RAB38: variants seen among roughly 807,000 people sequenced by gnomAD.
The protein encoded by RAB38 is RAB38, member RAS oncogene family.
Under a neutral mutation model 18.4 loss-of-function variants are expected in RAB38, and 15 were observed. The ratio of observed to expected loss-of-function variants is 0.82; its 90% CI spans 0.55 to 1.26. The LOEUF is 1.26. RAB38 is among the 50% of genes most tolerant of loss of function. The pLI, the probability that RAB38 is intolerant of heterozygous loss-of-function variation, is 0.00. For synonymous variants in RAB38, 101 were observed against 104.4 expected, an observed-to-expected ratio of 0.97 and a Z score of 0.20; for missense variants, 294 against 267.4, an observed-to-expected ratio of 1.10 and a Z score of -0.69.
chr11:88,103,408 C>T, the RAB38 span, among the ~76,000 whole-genome samples: 9 of 152,008 alleles, frequency 5.9e-5, no homozygotes. Context: ...ACATATACAC[C>T]TTATCGGATT....
Position 88,113,791 on chromosome 11 carries a change from G to T in RAB38, c.*197C>A. Reference sequence around the variant, plus strand: ...ACAGACTAAATATTTTCAAAAGTTTGTAAACACTGTGATGATGGTGAGGAA... The same window carrying T: ...ACAGACTAAATATTTTCAAAAGTTTTTAAACACTGTGATGATGGTGAGGAA... On this transcript the variant is annotated 3_prime_UTR_variant, in exon 3 of 3. Transcript: ENST00000243662. 1 of 663,010 alleles carries T rather than the reference G, an allele frequency of 1.5e-6. No homozygotes were observed. The highest frequency in any genetic ancestry group is 2.5e-6 in the Non-Finnish European group (1 of 407,716). The allele number at this position is 663,010 out of a possible 1,614,324, so 41.1% of individuals were successfully genotyped here. A position where few individuals can be genotyped will look rare whatever the true frequency, so the allele number is the denominator to read the frequency against.
At chr11:87,972,899 C>A in the RAB38 span, among the ~76,000 whole-genome samples, 1 of 152,028 alleles carries the variant, frequency 6.6e-6, no homozygotes, top group South Asian at 2.1e-4. Context: ...GGGCAGGTTT[C>A]CCCCTTGCTG....
the RAB38 span, among the ~76,000 whole-genome samples, chr11:88,032,000 C>A: frequency 2.8e-4 from 42 of 150,608 alleles, no homozygotes; most frequent in Admixed American, 2.8e-3. Flanking sequence ...CTACAGTAAC[C>A]AAAACAGCAT....
chr11:87,874,396 C>A, the RAB38 span, among the ~76,000 whole-genome samples: 1 of 150,910 alleles, frequency 6.6e-6, no homozygotes, highest in African/African-American at 2.4e-5. Flanking sequence ...ATCAAGAAAA[C>A]AAATAACTCA....
the RAB38 span, among the ~76,000 whole-genome samples, chr11:87,939,914 G>C: frequency 6.6e-6 from 1 of 151,540 alleles, no homozygotes; most frequent in Non-Finnish European, 1.5e-5. Context: ...AAAAATCAAA[G>C]TTGTCAAATC....
At chr11:88,092,376 GAGAGAGAGAGAGAGA>G in the RAB38 span, among the ~76,000 whole-genome samples, 2 of 24,982 alleles carry the variant, frequency 8.0e-5, no homozygotes, top group African/African-American at 2.6e-4. Context: ...GAGAGAGAGA[GAGAGAGAGAGAGAGA>G]GAGAGAGAGA....
chr11:88,145,539 G>A (rs1324127101), intron 2 of RAB38, among the ~76,000 whole-genome samples: 1 of 152,128 alleles, frequency 6.6e-6, no homozygotes, highest in Non-Finnish European at 1.5e-5. Context: ...GGAGATTCAG[G>A]CAATGGGCAC....
downstream of RAB38, among the ~76,000 whole-genome samples, chr11:88,109,130 A>C (rs532107606): frequency 6.6e-6 from 1 of 152,132 alleles, no homozygotes; most frequent in Non-Finnish European, 1.5e-5. Flanking sequence ...GTTGCTCCTC[A>C]AACTATACTA....
At chr11:87,895,821 A>G in the RAB38 span, among the ~76,000 whole-genome samples, 2 of 151,696 alleles carry the variant, frequency 1.3e-5, no homozygotes, top group Admixed American at 6.6e-5. Context: ...TGTAGCTGAG[A>G]AGATAGACAT....
At chr11:88,122,687 T>C (rs1247661989) in intron 2 of RAB38, among the ~76,000 whole-genome samples, 1 of 152,226 alleles carries the variant, frequency 6.6e-6, no homozygotes, top group African/African-American at 2.4e-5. Context: ...TAGGATAAAC[T>C]ACTTTGCCAC....
chr11:88,101,993 A>G, the RAB38 span, among the ~76,000 whole-genome samples: 1 of 151,970 alleles, frequency 6.6e-6, no homozygotes, highest in African/African-American at 2.4e-5. Context: ...GAAAGTAGAA[A>G]AACGATGACA....
the RAB38 span, among the ~76,000 whole-genome samples, chr11:87,867,174 C>A: frequency 6.6e-6 from 1 of 151,702 alleles, no homozygotes; most frequent in Admixed American, 6.6e-5. Context: ...TGGCAGCAGA[C>A]CAGAAGATAT....
chr11:87,940,758 G>A, the RAB38 span, among the ~76,000 whole-genome samples: 29 of 151,868 alleles, frequency 1.9e-4, no homozygotes, highest in Non-Finnish European at 2.5e-4. Flanking sequence ...ATTATCCTGC[G>A]AGTAGCTGGG....
chr11:87,866,294 A>C, the RAB38 span, among the ~76,000 whole-genome samples: 5 of 151,812 alleles, frequency 3.3e-5, no homozygotes, highest in African/African-American at 1.2e-4. Context: ...CTGGGCCTCT[A>C]TATGTACATT....
the RAB38 span, among the ~76,000 whole-genome samples, chr11:87,929,419 C>T: frequency 6.6e-6 from 1 of 151,798 alleles, no homozygotes; most frequent in Non-Finnish European, 1.5e-5. Flanking sequence ...AGGTTTCACC[C>T]TATTTCCTGG....
chr11:87,934,633 C>T, the RAB38 span, among the ~76,000 whole-genome samples: 1 of 152,080 alleles, frequency 6.6e-6, no homozygotes, highest in Non-Finnish European at 1.5e-5. Context: ...GGAAGTGAAG[C>T]TTTCAGTCTG....
chr11:88,105,155 T>C, the RAB38 span, among the ~76,000 whole-genome samples: 1 of 152,170 alleles, frequency 6.6e-6, no homozygotes, highest in Non-Finnish European at 1.5e-5. Flanking sequence ...TATAAATTAA[T>C]ATACACCTTC....
chr11:88,168,017 G>C (rs559363865), intron 1 of RAB38, among the ~76,000 whole-genome samples: 14 of 152,320 alleles, frequency 9.2e-5, no homozygotes, highest in Middle Eastern at 3.4e-3. Flanking sequence ...AGAAAGGATT[G>C]TAAGTGTAAC....
chr11:88,105,711 C>A, the RAB38 span, among the ~76,000 whole-genome samples: 5 of 152,140 alleles, frequency 3.3e-5, no homozygotes, highest in Admixed American at 6.6e-5. Context: ...AAAGACCCTG[C>A]ATAGTTCAGC....
Sources: gnomAD v4.1 joint callset for allele counts (sites outside exome capture counted in the v4.1 genomes callset) on GRCh38, gnomAD v4.1.1 for gene constraint, MANE v1.5 for transcripts, NCBI Gene and HGNC (gene_info 2026-07-23, HGNC 2026-07-21) for gene names.